Variants in KCNB2 observed in about 807,000 individuals in gnomAD.
KCNB2 encodes delayed rectifier potassium channel protein.
Under a neutral mutation model 61.5 loss-of-function variants are expected in KCNB2, and 15 were observed. That is an observed-to-expected ratio of 0.24 (90% CI 0.16 to 0.38). The LOEUF is 0.38. KCNB2 is among the 10% of genes least tolerant of loss of function. KCNB2 has a pLI of 1.00. For synonymous variants in KCNB2, 457 were observed against 446.0 expected (o/e 1.02, Z -0.31); for missense variants, 828 against 1,125.2 (o/e 0.74, Z 3.78).
At chr8:72,859,514 G>GTCA (rs1354096378) in intron 2 of KCNB2, among the ~76,000 whole-genome samples, 1 of 151,102 alleles carries the variant, frequency 6.6e-6, no homozygotes, top group African/African-American at 2.4e-5. Flanking sequence ...CCATCACCTT[G>GTCA]TCATCCCACC....
At chr8:72,893,997 G>A (rs1215531777) in intron 2 of KCNB2, among the ~76,000 whole-genome samples, 2 of 152,212 alleles carry the variant, frequency 1.3e-5, no homozygotes, top group Admixed American at 1.3e-4. Context: ...GGACACAACA[G>A]TGAGCCACAG....
rs117395883 is a variant in KCNB2 at position 72,632,519 on chromosome 8, A to C, written c.579+64206A>C. ...AGGTAGGATGCTAATTTTGTTAACT[A>C]TACCTCCCTCACAACTAATTGCTGC... On this transcript the variant is annotated intron_variant, in intron 2 of 2. Coordinates refer to ENST00000523207, the MANE Select transcript of KCNB2 (RefSeq NM_004770.3). 2.6e-5 allele frequency among the ~76,000 whole-genome samples: 4 copies of C among 152,102 alleles called. No individual in the cohort carries two copies. The East Asian group carries it at 7.7e-4, about 29-fold the overall frequency.
intron 2 of KCNB2, among the ~76,000 whole-genome samples, chr8:72,648,063 G>A (rs751558075): frequency 2.8e-4 from 43 of 152,070 alleles, no homozygotes; most frequent in Non-Finnish European, 4.7e-4. Flanking sequence ...TTTTGCAAAC[G>A]AGAGCTCAAA....
Position 72,846,020 on chromosome 8 carries a change from G to A in KCNB2, c.580-89915G>A, listed in dbSNP as rs113195369. ...AAAAAAAACTCTGGCAGCTAGCTTG[G>A]TGTCTGCACAATCAGCCGCCCAGTT... On this transcript the variant is annotated intron_variant, in intron 2 of 2. Transcript: ENST00000523207. Among the ~76,000 whole-genome samples, 443 of 152,188 alleles carry A rather than the reference G, an allele frequency of 2.9e-3. 4 individuals are homozygous for A. The highest frequency in any genetic ancestry group is 7.7e-3 in the African/African-American group (321 of 41,502).
rs145252960 is a variant in KCNB2, at chr8:72,633,940, ATCT to A, written c.579+65632_579+65634del. 5.2e-3 allele frequency among the ~76,000 whole-genome samples: 789 copies of A among 152,198 alleles called. 7 individuals are homozygous for A. Among genetic ancestry groups the A allele is most frequent in the African/African-American group, 0.018 (758 of 41,562 alleles). On this transcript the variant is annotated intron_variant, in intron 2 of 2. Coordinates refer to ENST00000523207, the MANE Select transcript of KCNB2 (RefSeq NM_004770.3). The stretch of plus-strand genomic sequence containing the variant: ...AGGTCTGTGTGCATCTTGGTTGCCC[ATCT>A]TCTTTCTCCGAAAGGCAAGAGCCAA...
At chr8:72,891,602 G>A (rs1271659925) in intron 2 of KCNB2, among the ~76,000 whole-genome samples, 8 of 152,136 alleles carry the variant, frequency 5.3e-5, no homozygotes, top group Admixed American at 4.6e-4. Flanking sequence ...ATCCATTTTG[G>A]CACTTAAGTA....
At chr8:72,626,086 G>A (rs537258387) in intron 2 of KCNB2, among the ~76,000 whole-genome samples, 2 of 152,282 alleles carry the variant, frequency 1.3e-5, no homozygotes, top group East Asian at 3.9e-4. Flanking sequence ...GATTCATTCA[G>A]CATTTTCAGA....
intron 2 of KCNB2, among the ~76,000 whole-genome samples, chr8:72,929,119 G>A (rs758238430): frequency 2.6e-5 from 4 of 152,192 alleles, no homozygotes; most frequent in Non-Finnish European, 5.9e-5. Context: ...TCATTTTGCA[G>A]ATGAGAGAAC....
At chr8:72,806,892 G>C (rs1809233927) in intron 2 of KCNB2, among the ~76,000 whole-genome samples, 1 of 152,168 alleles carries the variant, frequency 6.6e-6, no homozygotes, top group South Asian at 2.1e-4. Flanking sequence ...TGATGAATGA[G>C]AGAACAGCAG....
chr8:72,831,552 CAT>C (rs1809696297), intron 2 of KCNB2, among the ~76,000 whole-genome samples: 1 of 152,222 alleles, frequency 6.6e-6, no homozygotes, highest in Non-Finnish European at 1.5e-5. Flanking sequence ...GGACACGGAA[CAT>C]AAATTGGCAG....
intron 1 of KCNB2, among the ~76,000 whole-genome samples, chr8:72,564,414 AAG>A (rs1806590213): frequency 9.9e-5 from 15 of 152,200 alleles, no homozygotes; most frequent in Admixed American, 9.8e-4. Context: ...GGTGTTCAAA[AAG>A]AGTACATTTA....
At chr8:72,550,040 C>G (rs529291757) in intron 1 of KCNB2, among the ~76,000 whole-genome samples, 1 of 152,314 alleles carries the variant, frequency 6.6e-6, no homozygotes, top group African/African-American at 2.4e-5. Context: ...TTTGCTAGGT[C>G]TCTCTCTTCC....
At chr8:72,933,355 T>C (rs1242527272) in intron 2 of KCNB2, among the ~76,000 whole-genome samples, 1 of 152,248 alleles carries the variant, frequency 6.6e-6, no homozygotes, top group African/African-American at 2.4e-5. Flanking sequence ...GACCTTTCAC[T>C]TTATCCTTTG....
chr8:72,784,157 C>G (rs1808810503), intron 2 of KCNB2, among the ~76,000 whole-genome samples: 1 of 152,012 alleles, frequency 6.6e-6, no homozygotes, highest in African/African-American at 2.4e-5. Context: ...TGATTACCAC[C>G]TAAATATCCA....
At chr8:72,593,587 T>C (rs531762848) in intron 2 of KCNB2, among the ~76,000 whole-genome samples, 54 of 152,318 alleles carry the variant, frequency 3.5e-4, no homozygotes, top group Non-Finnish European at 6.9e-4. Flanking sequence ...TTAGAACTGA[T>C]GTGAGATCCA....
rs148614965 is a variant in KCNB2, at chr8:72,608,053, G to A, written c.579+39740G>A. On this transcript the variant is annotated intron_variant, in intron 2 of 2. Transcript: ENST00000523207. Reference sequence around the variant, plus strand: ...CTAATGGAGCTTATATTCTCATGGGGGCAAGGGTTAGTGATCTGAAAATTT... The same window carrying A: ...CTAATGGAGCTTATATTCTCATGGGAGCAAGGGTTAGTGATCTGAAAATTT... 1.5e-3 allele frequency among the ~76,000 whole-genome samples: 232 copies of A among 152,232 alleles called. 1 individual carries two copies. The highest frequency in any genetic ancestry group is 5.4e-3 in the African/African-American group (223 of 41,532).
chr8:72,674,604 A>G (rs1806619809), intron 2 of KCNB2, among the ~76,000 whole-genome samples: 1 of 152,250 alleles, frequency 6.6e-6, no homozygotes, highest in Non-Finnish European at 1.5e-5. Context: ...TCTTTTAATA[A>G]TAAGGATGAT....
chr8:72,862,344 G>A lies in KCNB2; in HGVS notation c.580-73591G>A, dbSNP rs184980578. On this transcript the variant is annotated intron_variant, in intron 2 of 2. Coordinates refer to ENST00000523207, the MANE Select transcript of KCNB2 (RefSeq NM_004770.3). The stretch of plus-strand genomic sequence containing the variant: ...TCAGATATAAATACAGATGTAAAGA[G>A]AAGTAAAAGTCATGAACGCACTAGT... 3.9e-3 allele frequency among the ~76,000 whole-genome samples: 599 copies of A among 152,274 alleles called. 4 individuals are homozygous for A. Among genetic ancestry groups the A allele is most frequent in the African/African-American group, 0.012 (502 of 41,560 alleles).
At chr8:72,643,395 C>T (rs1368634378) in intron 2 of KCNB2, among the ~76,000 whole-genome samples, 1 of 151,982 alleles carries the variant, frequency 6.6e-6, no homozygotes, top group African/African-American at 2.4e-5. Flanking sequence ...TATGGCACAC[C>T]CCAGACTCTG....
Sources: gnomAD v4.1 joint callset for allele counts (sites outside exome capture counted in the v4.1 genomes callset) on GRCh38, gnomAD v4.1.1 for gene constraint, MANE v1.5 for transcripts, NCBI Gene and HGNC (gene_info 2026-07-23, HGNC 2026-07-21) for gene names.